PLPP6: variants seen among roughly 807,000 people sequenced by gnomAD.
The protein encoded by PLPP6 is phospholipid phosphatase 6, also known as polyisoprenoid diphosphate/phosphate phosphohydrolase PLPP6.
A neutral mutation model predicts 16.5 loss-of-function variants in PLPP6; 16 were observed. The ratio of observed to expected loss-of-function variants is 0.97; its 90% CI spans 0.66 to 1.47. The LOEUF (loss-of-function observed/expected upper bound fraction) is 1.47, where lower values mean the gene tolerates loss of function less well. PLPP6 is among the 40% of genes most tolerant of loss of function. The pLI is 0.00. For missense variants in PLPP6, 512 were observed against 396.6 expected, an observed-to-expected ratio of 1.29 and a Z score of -2.47; for synonymous variants, 226 against 188.1, an observed-to-expected ratio of 1.20 and a Z score of -1.65.
In PLPP6 at chr9:4,663,387, G is replaced by C. The variant is rs879197814; in HGVS notation, c.*124G>C. The C allele has an allele frequency of 1.2e-5, 12 of 1,010,948 alleles. No homozygotes were observed. The South Asian group carries it at 1.7e-4, about 14-fold the overall frequency. The allele number at this position is 1,010,948 out of a possible 1,614,324, so 62.6% of individuals were successfully genotyped here. A position where few individuals can be genotyped will look rare whatever the true frequency, so the allele number is the denominator to read the frequency against. On this transcript the variant is annotated 3_prime_UTR_variant, in exon 1 of 1. Transcript: ENST00000381883. ...TTTCAGGCTTCCTTTGGGATTTCAG[G>C]TGTCCCATGATCTTGATGTGCTGCT...
In PLPP6 at chr9:4,664,576, C is replaced by G. The variant is rs1465634646; in HGVS notation, c.*1313C>G. 1 of 167,032 alleles carries G rather than the reference C, an allele frequency of 6.0e-6. No homozygotes were observed. Among genetic ancestry groups the G allele is most frequent in the African/African-American group, 2.4e-5 (1 of 41,424 alleles). The allele number at this position is 167,032 out of a possible 1,614,324, so 10.3% of individuals were successfully genotyped here. ...TGGACTCTGCTCATTATTCTTTGAC[C>G]CAGAAAGACTGGAGAAGGTATGTGC... is the stretch of plus-strand genomic sequence containing the variant. On this transcript the variant is annotated 3_prime_UTR_variant, in exon 1 of 1. Transcript: ENST00000381883.
Position 4,662,381 on chromosome 9 carries a change from A to G in PLPP6, c.6A>G (p.Pro2=), listed in dbSNP as rs1459221594. M[P]SPRRSMEGRP... is the part of the protein sequence containing the mutation. ...GATCCGGGCCGCCAGCTGCGATGCC[A>G]AGTCCCCGGAGGAGCATGGAGGGAC... Residue 2 remains proline, a synonymous_variant, in exon 1 of 1, where the codon CCA becomes CCG. Transcript: ENST00000381883. This position sits in a 1 kb window ranked among gnomAD's most constrained non-coding sequence, Gnocchi z 4.9. The G allele has an allele frequency of 6.6e-7, 1 of 1,517,530 alleles. No individual in the cohort carries two copies. The allele number at this position is 1,517,530 out of a possible 1,614,324, so 94.0% of individuals were successfully genotyped here.
chr9:4,663,830 GC>G lies in PLPP6; in HGVS notation c.*568del, dbSNP rs1447404153. On this transcript the variant is annotated 3_prime_UTR_variant, in exon 1 of 1. Coordinates refer to ENST00000381883, the MANE Select transcript of PLPP6 (RefSeq NM_203453.5). ...TTCTTAATCCTGATTTTCTTGGTAAGCTTTTTTACTTTATTATCTCTATAAT... is the reference window on the plus strand; with the variant it reads ...TTCTTAATCCTGATTTTCTTGGTAAGTTTTTTACTTTATTATCTCTATAAT... 6.0e-6 allele frequency: 1 copy of G among 166,896 alleles called. No individual in the cohort carries two copies. The highest frequency in any genetic ancestry group is 1.5e-5 in the Non-Finnish European group (1 of 68,144). 10.3% of individuals were successfully genotyped at this position (166,896 alleles called of 1,614,324 possible).
In PLPP6 at chr9:4,663,113, G is replaced by A. The variant is rs373338690; in HGVS notation, c.738G>A (p.Leu246=). The part of the protein sequence containing the change: ...RVLVVLWAFV[L]GLSRVMLGRH... ...TGGTGGTTCTGTGGGCCTTCGTCTT[G>A]GGCCTATCCAGGGTCATGCTGGGGC... is the stretch of plus-strand genomic sequence containing the variant. Residue 246 remains leucine (L), a synonymous_variant, in exon 1 of 1, where the codon TTG becomes TTA. Transcript: ENST00000381883. The A allele has an allele frequency of 6.2e-7, 1 of 1,613,950 alleles. No homozygotes were observed. Among genetic ancestry groups the A allele is most frequent in the African/African-American group, 1.3e-5 (1 of 74,884 alleles).
Position 4,663,166 on chromosome 9 carries a change from G to C in PLPP6, c.791G>C (p.Gly264Ala). The C allele has an allele frequency of 6.2e-7, 1 of 1,614,118 alleles. No homozygotes were observed. Among genetic ancestry groups the C allele is most frequent in the Non-Finnish European group, 8.5e-7 (1 of 1,180,026 alleles). The change falls in exon 1 of 1, where the codon GGC becomes GCC. Residue 264 changes from glycine to alanine, a missense_variant. Coordinates refer to ENST00000381883, the MANE Select transcript of PLPP6 (RefSeq NM_203453.5). Reference protein sequence around the residue: ...GRHNVTDVAFGFFLGYMQYSI... With the variant: ...GRHNVTDVAFAFFLGYMQYSI... The stretch of plus-strand genomic sequence containing the variant: ...CACAATGTCACCGACGTAGCTTTTG[G>C]CTTTTTTCTGGGCTACATGCAGTAC...
At position 4,663,973 on chromosome 9, in the gene PLPP6, T is replaced by C. The variant is rs1466965590; in HGVS notation, c.*710T>C. The stretch of plus-strand genomic sequence containing the variant: ...TCTTTATGCATTTCCCACTACTCCC[T>C]TACTGTCTTTTAGCATTCAGAGAAA... On this transcript the variant is annotated 3_prime_UTR_variant, in exon 1 of 1. Coordinates refer to ENST00000381883, the MANE Select transcript of PLPP6 (RefSeq NM_203453.5). The C allele has an allele frequency of 6.0e-6, 1 of 167,118 alleles. No homozygotes were observed. The highest frequency in any genetic ancestry group is 1.5e-5 in the Non-Finnish European group (1 of 68,128). 10.4% of individuals were successfully genotyped at this position (167,118 alleles called of 1,614,324 possible). A position where few individuals can be genotyped will look rare whatever the true frequency, so the allele number is the denominator to read the frequency against.
chr9:4,662,549 C>G lies in PLPP6; in HGVS notation c.174C>G (p.Leu58=), dbSNP rs753306833. 6.4e-7 allele frequency: 1 copy of G among 1,574,432 alleles called. No individual in the cohort carries two copies. Among genetic ancestry groups the G allele is most frequent in the Admixed American group, 1.8e-5 (1 of 56,206 alleles). The change falls in exon 1 of 1, where the codon CTC becomes CTG. Residue 58 remains leucine (L), a synonymous_variant. Transcript: ENST00000381883. The surrounding 1 kb of genome is among the most constrained non-coding windows in gnomAD (Gnocchi z 4.9). ...ATAVDPTCAR[L]RASESPVHRR... ...CCGTGGACCCCACCTGCGCCCGGCTCCGTGCATCGGAGAGCCCAGTTCACC... is the reference window on the plus strand; with the variant it reads ...CCGTGGACCCCACCTGCGCCCGGCTGCGTGCATCGGAGAGCCCAGTTCACC...
In PLPP6 at chr9:4,662,791, T is replaced by A. The variant is rs1324659056; in HGVS notation, c.416T>A (p.Ile139Asn). The A allele has an allele frequency of 3.1e-6, 5 of 1,605,176 alleles. No individual in the cohort carries two copies. The Middle Eastern group carries it at 6.6e-4, about 212-fold the overall frequency. Residue 139 changes from isoleucine (I) to asparagine (N), a missense_variant, in exon 1 of 1, where the codon ATC becomes AAC. By Grantham distance (149) the Ile-to-Asn change is moderately radical. Coordinates refer to ENST00000381883, the MANE Select transcript of PLPP6 (RefSeq NM_203453.5). The surrounding 1 kb of genome is among the most constrained non-coding windows in gnomAD (Gnocchi z 4.9). Reference sequence around the variant, plus strand: ...CGACCCCTTATGAAGCTGCTGGAGATCTCGGGACACGGCATCCCCTGGCTG... The same window carrying A: ...CGACCCCTTATGAAGCTGCTGGAGAACTCGGGACACGGCATCCCCTGGCTG... The part of the protein sequence containing the change: ...SVRPLMKLLE[I>N]SGHGIPWLLG...
chr9:4,662,780 G>A lies in PLPP6; in HGVS notation c.405G>A (p.Lys135=). 6.2e-7 allele frequency: 1 copy of A among 1,605,290 alleles called. No homozygotes were observed. Among genetic ancestry groups the A allele is most frequent in the Non-Finnish European group, 8.5e-7 (1 of 1,179,940 alleles). ...GGGGCAGCGTGCGACCCCTTATGAAGCTGCTGGAGATCTCGGGACACGGCA... is the reference window on the plus strand; with the variant it reads ...GGGGCAGCGTGCGACCCCTTATGAAACTGCTGGAGATCTCGGGACACGGCA... ...SSWGSVRPLM[K]LLEISGHGIP... is the part of the protein sequence containing the mutation. The change falls in exon 1 of 1, where the codon AAG becomes AAA. Residue 135 remains lysine (K), a synonymous_variant. Coordinates refer to ENST00000381883, the MANE Select transcript of PLPP6 (RefSeq NM_203453.5). This position sits in a 1 kb window ranked among gnomAD's most constrained non-coding sequence, Gnocchi z 4.9.
In PLPP6 at chr9:4,663,230, T is replaced by C. The variant is rs2130811014; in HGVS notation, c.855T>C (p.Ala285=). 6.2e-7 allele frequency: 1 copy of C among 1,614,014 alleles called. No homozygotes were observed. The highest frequency in any genetic ancestry group is 8.5e-7 in the Non-Finnish European group (1 of 1,179,956). Reference sequence around the variant, plus strand: ...ATTGCTGGCTCTCACCCCATAATGCTCCGGTCCTCTTTTTACTGTGGAGTC... The same window carrying C: ...ATTGCTGGCTCTCACCCCATAATGCCCCGGTCCTCTTTTTACTGTGGAGTC... The part of the protein sequence containing the change: ...VDYCWLSPHN[A]PVLFLLWSQR Residue 285 remains alanine (A), a synonymous_variant, in exon 1 of 1, where the codon GCT becomes GCC. Coordinates refer to ENST00000381883, the MANE Select transcript of PLPP6 (RefSeq NM_203453.5).
chr9:4,663,371 TC>T lies in PLPP6; in HGVS notation c.*110del. 8.4e-7 allele frequency: 1 copy of T among 1,188,512 alleles called. No individual in the cohort carries two copies. Among genetic ancestry groups the T allele is most frequent in the Non-Finnish European group, 1.2e-6 (1 of 829,416 alleles). 73.6% of individuals were successfully genotyped at this position (1,188,512 alleles called of 1,614,324 possible). ...TTGTCCCTCTTAGGCATTTCAGGCT[TC>T]CTTTGGGATTTCAGGTGTCCCATGA... On this transcript the variant is annotated 3_prime_UTR_variant, in exon 1 of 1. Coordinates refer to ENST00000381883, the MANE Select transcript of PLPP6 (RefSeq NM_203453.5).
rs1012223972 is a variant in PLPP6 at position 4,662,383 on chromosome 9, G to C, written c.8G>C (p.Ser3Thr). The C allele has an allele frequency of 4.6e-6, 7 of 1,519,812 alleles. No individual in the cohort carries two copies. The highest frequency in any genetic ancestry group is 4.1e-5 in the African/African-American group (3 of 72,356). The allele number at this position is 1,519,812 out of a possible 1,614,324, so 94.1% of individuals were successfully genotyped here. A position where few individuals can be genotyped will look rare whatever the true frequency, so the allele number is the denominator to read the frequency against. The change falls in exon 1 of 1, where the codon AGT (serine) becomes ACT (threonine). Residue 3 changes from serine to threonine, a missense_variant. Transcript: ENST00000381883. This position sits in a 1 kb window ranked among gnomAD's most constrained non-coding sequence, Gnocchi z 4.9. MP[S>T]PRRSMEGRPL... is the part of the protein sequence containing the mutation. The stretch of plus-strand genomic sequence containing the variant: ...TCCGGGCCGCCAGCTGCGATGCCAA[G>C]TCCCCGGAGGAGCATGGAGGGACGG...
chr9:4,663,386 GGTGTCCC>G lies in PLPP6; in HGVS notation c.*124_*130del. The G allele has an allele frequency of 9.9e-7, 1 of 1,010,044 alleles. No individual in the cohort carries two copies. Among genetic ancestry groups the G allele is most frequent in the South Asian group, 1.5e-5 (1 of 64,854 alleles). 62.6% of individuals were successfully genotyped at this position (1,010,044 alleles called of 1,614,324 possible). ...ATTTCAGGCTTCCTTTGGGATTTCA[GGTGTCCC>G]ATGATCTTGATGTGCTGCTAGGCTG... On this transcript the variant is annotated 3_prime_UTR_variant, in exon 1 of 1. Coordinates refer to ENST00000381883, the MANE Select transcript of PLPP6 (RefSeq NM_203453.5).
chr9:4,663,545 G>A lies in PLPP6; in HGVS notation c.*282G>A. The A allele has an allele frequency of 2.6e-6, 1 of 385,688 alleles. No individual in the cohort carries two copies. Among genetic ancestry groups the A allele is most frequent in the Non-Finnish European group, 4.9e-6 (1 of 203,998 alleles). 23.9% of individuals were successfully genotyped at this position (385,688 alleles called of 1,614,324 possible). A position where few individuals can be genotyped will look rare whatever the true frequency, so the allele number is the denominator to read the frequency against. On this transcript the variant is annotated 3_prime_UTR_variant, in exon 1 of 1. Coordinates refer to ENST00000381883, the MANE Select transcript of PLPP6 (RefSeq NM_203453.5). ...AGGACAACTGCAAAGAAAACAAGCTGAGGTGGTTATACTGTTGCTGTTAAA... is the reference window on the plus strand; with the variant it reads ...AGGACAACTGCAAAGAAAACAAGCTAAGGTGGTTATACTGTTGCTGTTAAA...
At position 4,663,528 on chromosome 9, in the gene PLPP6, T is replaced by C; in HGVS notation, c.*265T>C. On this transcript the variant is annotated 3_prime_UTR_variant, in exon 1 of 1. Transcript: ENST00000381883. ...CAACTGTTTATGTTTCCAGGACAAC[T>C]GCAAAGAAAACAAGCTGAGGTGGTT... is the stretch of plus-strand genomic sequence containing the variant. The C allele has an allele frequency of 7.4e-6, 3 of 403,606 alleles. No individual in the cohort carries two copies. The highest frequency in any genetic ancestry group is 1.4e-5 in the Non-Finnish European group (3 of 215,966). The allele number at this position is 403,606 out of a possible 1,614,324, so 25.0% of individuals were successfully genotyped here.
Position 4,662,732 on chromosome 9 carries a change from G to A in PLPP6, c.357G>A (p.Val119=). Residue 119 remains valine (V), a synonymous_variant, in exon 1 of 1, where the codon GTG becomes GTA. Transcript: ENST00000381883. This position sits in a 1 kb window ranked among gnomAD's most constrained non-coding sequence, Gnocchi z 4.9. ...TGTGGCTGTCCAAGAAGCTGGGGGT[G>A]TGCGCGGGAGAGAGCTCGTCGTGGG... is the stretch of plus-strand genomic sequence containing the variant. ...IDLWLSKKLG[V]CAGESSSWGS... 2 of 1,603,122 alleles carry A rather than the reference G, an allele frequency of 1.2e-6. No individual in the cohort carries two copies. Among genetic ancestry groups the A allele is most frequent in the Admixed American group, 1.7e-5 (1 of 60,026 alleles).
rs758240252 is a variant in PLPP6, at chr9:4,662,567, A to G, written c.192A>G (p.Pro64=). ...CCCGGCTCCGTGCATCGGAGAGCCC[A>G]GTTCACCGCCGCGGCTCCTTCCCCC... ...TCARLRASES[P]VHRRGSFPLA... Residue 64 remains proline, a synonymous_variant, in exon 1 of 1, where the codon CCA becomes CCG. Coordinates refer to ENST00000381883, the MANE Select transcript of PLPP6 (RefSeq NM_203453.5). This position sits in a 1 kb window ranked among gnomAD's most constrained non-coding sequence, Gnocchi z 4.9. 1.9e-6 allele frequency: 3 copies of G among 1,586,060 alleles called. No homozygotes were observed. The South Asian group carries it at 3.4e-5, about 18-fold the overall frequency.
In PLPP6 at chr9:4,663,433, C is replaced by G. The variant is rs932551259; in HGVS notation, c.*170C>G. On this transcript the variant is annotated 3_prime_UTR_variant, in exon 1 of 1. Coordinates refer to ENST00000381883, the MANE Select transcript of PLPP6 (RefSeq NM_203453.5). ...CTGCTAGGCTGGAGCACACACTGGC[C>G]ATTACTGAACACAGCCATATTAGGG... The G allele has an allele frequency of 1.1e-5, 8 of 711,746 alleles. No individual in the cohort carries two copies. The highest frequency in any genetic ancestry group is 1.9e-5 in the Non-Finnish European group (8 of 419,698). The allele number at this position is 711,746 out of a possible 1,614,324, so 44.1% of individuals were successfully genotyped here.
At position 4,662,838 on chromosome 9, in the gene PLPP6, T is replaced by C; in HGVS notation, c.463T>C (p.Cys155Arg). The C allele has an allele frequency of 6.2e-7, 1 of 1,605,290 alleles. No homozygotes were observed. Among genetic ancestry groups the C allele is most frequent in the Non-Finnish European group, 8.5e-7 (1 of 1,179,950 alleles). Residue 155 changes from cysteine (C) to arginine (R), a missense_variant, in exon 1 of 1, where the codon TGC (cysteine) becomes CGC (arginine). Cys to Arg is a radical substitution (Grantham distance 180). Coordinates refer to ENST00000381883, the MANE Select transcript of PLPP6 (RefSeq NM_203453.5). The surrounding 1 kb of genome is among the most constrained non-coding windows in gnomAD (Gnocchi z 4.9). Reference sequence around the variant, plus strand: ...GCTGCTGGGCACCCTCTACTGCCTGTGCAGGAGCGACAGCTGGGCCGGGCG... The same window carrying C: ...GCTGCTGGGCACCCTCTACTGCCTGCGCAGGAGCGACAGCTGGGCCGGGCG... ...PWLLGTLYCL[C>R]RSDSWAGREV...
Sources: gnomAD v4.1 joint callset for allele counts on GRCh38, gnomAD v4.1.1 for gene constraint, Gnocchi (gnomAD v3.1) non-coding constraint, MANE v1.5 for transcripts, NCBI Gene and HGNC (gene_info 2026-07-23, HGNC 2026-07-21) for gene names.